Variants in SCHIP1 observed in about 807,000 individuals in gnomAD.
The protein encoded by SCHIP1 is schwannomin interacting protein 1.
A neutral mutation model predicts 29.7 loss-of-function variants in SCHIP1; 8 were observed. The ratio of observed to expected loss-of-function variants is 0.27; its 90% CI spans 0.16 to 0.49. The LOEUF is 0.49. Ranked by LOEUF, SCHIP1 falls within the 20% of genes least tolerant of loss-of-function variation. SCHIP1 has a pLI of 0.99. For missense variants in SCHIP1, 193 were observed against 294.6 expected (o/e 0.66, Z 2.52); for synonymous variants, 76 against 94.9 (o/e 0.80, Z 1.16).
At chr3:159,704,512 A>G in the SCHIP1 span, among the ~76,000 whole-genome samples, 2 of 151,562 alleles carry the variant, frequency 1.3e-5, no homozygotes, top group African/African-American at 4.8e-5. Context: ...ATAGATTCTG[A>G]TAATTCCCAG....
At chr3:159,810,440 C>T in the SCHIP1 span, among the ~76,000 whole-genome samples, 2 of 152,156 alleles carry the variant, frequency 1.3e-5, no homozygotes, top group Non-Finnish European at 1.5e-5. Flanking sequence ...CTGTTATTCC[C>T]AAAACATTCC....
At chr3:159,361,203 TAGAA>T in the SCHIP1 span, among the ~76,000 whole-genome samples, 1 of 152,126 alleles carries the variant, frequency 6.6e-6, no homozygotes, top group African/African-American at 2.4e-5. Flanking sequence ...AAAGATAAAG[TAGAA>T]AGAGATAAGA....
At chr3:159,442,746 G>A in the SCHIP1 span, among the ~76,000 whole-genome samples, 1 of 152,178 alleles carries the variant, frequency 6.6e-6, no homozygotes, top group East Asian at 1.9e-4. Flanking sequence ...AGAGGCTACT[G>A]CTTTGGTCCA....
At chr3:159,710,696 A>G in the SCHIP1 span, among the ~76,000 whole-genome samples, 465 of 152,344 alleles carry the variant, frequency 3.1e-3, 5 homozygotes, top group African/African-American at 0.01. Flanking sequence ...TTAAATTTAA[A>G]GAAATCAACT....
At chr3:159,429,568 C>A in the SCHIP1 span, among the ~76,000 whole-genome samples, 2 of 152,202 alleles carry the variant, frequency 1.3e-5, no homozygotes, top group African/African-American at 2.4e-5. Context: ...CACCCTCCAA[C>A]TGTAAAGTAT....
chr3:159,349,541 C>A, the SCHIP1 span, among the ~76,000 whole-genome samples: 1 of 152,108 alleles, frequency 6.6e-6, no homozygotes, highest in Non-Finnish European at 1.5e-5. Flanking sequence ...AAAAACTCAC[C>A]CCACTGCCTA....
At chr3:159,578,084 T>C in the SCHIP1 span, among the ~76,000 whole-genome samples, 1 of 151,830 alleles carries the variant, frequency 6.6e-6, no homozygotes, top group Non-Finnish European at 1.5e-5. Context: ...TGGAAGGGAG[T>C]GCTGCAACCT....
the SCHIP1 span, among the ~76,000 whole-genome samples, chr3:159,671,258 T>C: frequency 6.6e-6 from 1 of 152,204 alleles, no homozygotes; most frequent in Non-Finnish European, 1.5e-5. Context: ...CTGTGTCTTA[T>C]GAAAGGCAGG....
the SCHIP1 span, among the ~76,000 whole-genome samples, chr3:159,718,595 A>G: frequency 5.3e-5 from 8 of 152,292 alleles, no homozygotes; most frequent in Admixed American, 3.3e-4. Flanking sequence ...ATAACAGACA[A>G]ACAGAGAGCC....
chr3:159,432,335 TGTGTGAGAGAGAGAGA>T, the SCHIP1 span, among the ~76,000 whole-genome samples: 16 of 85,828 alleles, frequency 1.9e-4, no homozygotes, highest in South Asian at 4.3e-4. Context: ...TGTGTGTGTG[TGTGTGAGAGAGAGAGA>T]GAGAGAGAGA....
chr3:159,370,170 C>A, the SCHIP1 span, among the ~76,000 whole-genome samples: 1 of 152,200 alleles, frequency 6.6e-6, no homozygotes, highest in East Asian at 1.9e-4. Flanking sequence ...GGAGTAAAGA[C>A]CAGTCTTGCA....
At chr3:159,506,227 T>A in the SCHIP1 span, among the ~76,000 whole-genome samples, 1 of 152,368 alleles carries the variant, frequency 6.6e-6, no homozygotes, top group African/African-American at 2.4e-5. Flanking sequence ...CCAGTGATGA[T>A]GAGCATTTTT....
chr3:159,589,491 A>G, the SCHIP1 span, among the ~76,000 whole-genome samples: 1 of 152,134 alleles, frequency 6.6e-6, no homozygotes, highest in East Asian at 1.9e-4. Context: ...AGAACTTCCA[A>G]CACTATGTTG....
the SCHIP1 span, among the ~76,000 whole-genome samples, chr3:159,668,416 C>T: frequency 6.8e-6 from 1 of 146,022 alleles, no homozygotes; most frequent in African/African-American, 2.7e-5. Context: ...CCATGAAGGA[C>T]TTGAGTCCCA....
chr3:159,388,173 T>G, the SCHIP1 span, among the ~76,000 whole-genome samples: 1 of 152,094 alleles, frequency 6.6e-6, no homozygotes, highest in African/African-American at 2.4e-5. Context: ...AATTTTTTTA[T>G]AAGGAGTATG....
chr3:159,332,785 A>G, the SCHIP1 span, among the ~76,000 whole-genome samples: 1 of 152,222 alleles, frequency 6.6e-6, no homozygotes, highest in Admixed American at 6.5e-5. Context: ...GGCAGGGTGA[A>G]GCAATTTGGA....
the SCHIP1 span, among the ~76,000 whole-genome samples, chr3:159,296,369 G>T: frequency 6.6e-6 from 1 of 152,074 alleles, no homozygotes; most frequent in Non-Finnish European, 1.5e-5. Flanking sequence ...ATGGTGATTT[G>T]ATATACATAT....
intron 2 of SCHIP1, among the ~76,000 whole-genome samples, chr3:159,866,667 G>A (rs960314572): frequency 6.6e-6 from 1 of 151,674 alleles, no homozygotes; most frequent in Non-Finnish European, 1.5e-5. Context: ...TCACCCCCCT[G>A]ACACATTTGA....
the SCHIP1 span, among the ~76,000 whole-genome samples, chr3:159,407,394 G>A: frequency 6.6e-6 from 1 of 152,164 alleles, no homozygotes; most frequent in African/African-American, 2.4e-5. Flanking sequence ...TAAAGCAAAT[G>A]TTATTAGAGG....
Sources: allele counts gnomAD v4.1 joint callset (sites outside exome capture counted in the v4.1 genomes callset), GRCh38; gene constraint gnomAD v4.1.1; transcripts MANE v1.5; gene names NCBI Gene and HGNC (gene_info 2026-07-23, HGNC 2026-07-21).